Variants in DCAF6 observed in about 807,000 individuals in gnomAD.
The protein encoded by DCAF6 is DDB1- and CUL4-associated factor 6.
DCAF6 carries 54 observed loss-of-function variants against 125.1 expected under a neutral mutation model. The observed-to-expected ratio is 0.43, with a 90% CI of 0.35 to 0.54. The LOEUF is 0.54. Ranked by LOEUF, DCAF6 falls within the 20% of genes least tolerant of loss-of-function variation. The pLI is 0.01. For synonymous variants in DCAF6, 371 were observed against 390.4 expected (o/e 0.95, Z 0.58); for missense variants, 934 against 1,161.7 (o/e 0.80, Z 2.85).
chr1:167,945,356 A>C (rs1195802950), intron 1 of DCAF6, among the ~76,000 whole-genome samples: 1 of 152,154 alleles, frequency 6.6e-6, no homozygotes, highest in Non-Finnish European at 1.5e-5. Flanking sequence ...TCCAGTGATC[A>C]TGGGATGTTT....
In DCAF6 at chr1:168,073,155, G is replaced by A. The variant is rs1478866161; in HGVS notation, c.2792-2216G>A. ...CGCGCCACTGCACTCCAGCCTGGGC[G>A]ATAGAGCGAGACTCGGTCTCAAAAA... On this transcript the variant is annotated intron_variant, in intron 21 of 21. Transcript: ENST00000367840. Among the ~76,000 whole-genome samples the A allele has an allele frequency of 3.3e-5, 5 of 151,818 alleles. No individual in the cohort carries two copies. In the East Asian group the frequency reaches 5.8e-4, roughly 18 times the overall value.
the DCAF6 span, chr1:167,878,729 C>T: frequency 7.2e-6 from 9 of 1,249,864 alleles, no homozygotes; most frequent in African/African-American, 1.3e-4. Context: ...CATTTTTACC[C>T]TTTACTCCCT....
intron 10 of DCAF6, among the ~76,000 whole-genome samples, chr1:168,008,007 G>A (rs1683596458): frequency 9.3e-6 from 1 of 107,880 alleles, no homozygotes; most frequent in Non-Finnish European, 1.7e-5. Flanking sequence ...GTCTCACTCT[G>A]TCACCCAGGC....
At chr1:167,965,837 A>T (rs557955889) in intron 2 of DCAF6, among the ~76,000 whole-genome samples, 37 of 152,004 alleles carry the variant, frequency 2.4e-4, no homozygotes, top group Middle Eastern at 3.4e-3. Flanking sequence ...GTTTCGCCAT[A>T]TTGGTCAGGC....
rs748263366 is a variant in DCAF6 at position 168,063,626 on chromosome 1, C to T, written c.2306C>T (p.Ser769Phe). ...TTIGDRIMRR[S>F]AVARIQEFFR... ...TTAATATGTAATTCATATAGACGCT[C>T]TGCTGTTGCCCGTATTCAGGAGTTC... Residue 769 changes from serine (S) to phenylalanine (F), a missense_variant, in exon 18 of 22, where the codon TCT becomes TTT. Physicochemically the swap from Ser to Phe is radical, Grantham distance 155. Coordinates refer to ENST00000367840, the MANE Select transcript of DCAF6 (RefSeq NM_001198956.2). 2 of 1,570,044 alleles carry T rather than the reference C, an allele frequency of 1.3e-6. No homozygotes were observed. Among genetic ancestry groups the T allele is most frequent in the Non-Finnish European group, 1.7e-6 (2 of 1,162,884 alleles).
At chr1:167,895,258 G>T in the DCAF6 span, among the ~76,000 whole-genome samples, 1 of 151,946 alleles carries the variant, frequency 6.6e-6, no homozygotes, top group African/African-American at 2.4e-5. Context: ...TTTATAGAAG[G>T]TACCATTAAG....
intron 3 of DCAF6, chr1:167,969,077 A>G (rs942978273): frequency 2.2e-4 from 34 of 152,144 alleles, no homozygotes; most frequent in South Asian, 4.1e-4. Flanking sequence ...TGACCAAGTT[A>G]TTTAAACTTT....
the DCAF6 span, among the ~76,000 whole-genome samples, chr1:167,898,240 T>C: frequency 6.6e-6 from 1 of 152,020 alleles, no homozygotes; most frequent in South Asian, 2.1e-4. Flanking sequence ...CTCTGTATTA[T>C]TTTTTCAACT....
chr1:168,043,551 G>A (rs1333568849), intron 14 of DCAF6, among the ~76,000 whole-genome samples: 1 of 152,110 alleles, frequency 6.6e-6, no homozygotes, highest in Non-Finnish European at 1.5e-5. Context: ...AATACCTGAA[G>A]TGCCACTTAA....
intron 12 of DCAF6, among the ~76,000 whole-genome samples, chr1:168,033,382 C>T (rs1333338720): frequency 6.9e-6 from 1 of 144,460 alleles, no homozygotes; most frequent in African/African-American, 2.6e-5. Flanking sequence ...GTGGCGCAAT[C>T]TCGGCTCACT....
chr1:167,894,301 A>C, the DCAF6 span, among the ~76,000 whole-genome samples: 1 of 152,176 alleles, frequency 6.6e-6, no homozygotes, highest in Non-Finnish European at 1.5e-5. Flanking sequence ...GACAGAATGA[A>C]GGGGATGGTA....
chr1:167,876,109 T>C, the DCAF6 span, among the ~76,000 whole-genome samples: 2 of 152,024 alleles, frequency 1.3e-5, no homozygotes, highest in Non-Finnish European at 2.9e-5. Flanking sequence ...ATACAAAAAT[T>C]AGCTGGGCGT....
intron 4 of DCAF6, among the ~76,000 whole-genome samples, chr1:167,982,322 A>T (rs1189044325): frequency 1.3e-5 from 2 of 151,594 alleles, no homozygotes; most frequent in African/African-American, 4.8e-5. Context: ...GCTCACAGCA[A>T]CCTCCTCTTC....
At chr1:167,915,901 T>C in the DCAF6 span, among the ~76,000 whole-genome samples, 687 of 152,308 alleles carry the variant, frequency 4.5e-3, 8 homozygotes, top group East Asian at 0.056. Flanking sequence ...AGACAGAGGT[T>C]AACAAAGTCT....
At chr1:167,936,150 C>G, upstream of DCAF6, 1 of 342,216 alleles carries the variant, frequency 2.9e-6, no homozygotes, top group Non-Finnish European at 5.5e-6. Context: ...TGCGCTGCGC[C>G]CTGCTGGCAG....
At chr1:168,000,213 T>TTA (rs1184096275) in intron 7 of DCAF6, among the ~76,000 whole-genome samples, 1 of 152,130 alleles carries the variant, frequency 6.6e-6, no homozygotes, top group African/African-American at 2.4e-5. Flanking sequence ...ATTCAGAGTC[T>TTA]TATATGGATG....
chr1:167,915,461 A>C, the DCAF6 span, among the ~76,000 whole-genome samples: 1 of 152,110 alleles, frequency 6.6e-6, no homozygotes, highest in Non-Finnish European at 1.5e-5. Context: ...AATTAATAAG[A>C]TTACCATTTT....
chr1:168,038,254 G>C (rs1432401922), intron 12 of DCAF6, 117 bp from the exon 13 acceptor site: 4 of 722,756 alleles, frequency 5.5e-6, no homozygotes, highest in Admixed American at 3.0e-5. Context: ...ACCCATAACA[G>C]ATGTGAAAAA....
chr1:167,885,070 C>G, the DCAF6 span, among the ~76,000 whole-genome samples: 12 of 152,192 alleles, frequency 7.9e-5, no homozygotes, highest in Non-Finnish European at 1.5e-4. Flanking sequence ...GTTTATTTCA[C>G]TTAATATAAT....
Sources: allele counts gnomAD v4.1 joint callset (sites outside exome capture counted in the v4.1 genomes callset), GRCh38; gene constraint gnomAD v4.1.1; transcripts MANE v1.5; gene names NCBI Gene and HGNC (gene_info 2026-07-23, HGNC 2026-07-21).